The following CAPN9 variants were observed in gnomAD, a reference collection of about 807,000 sequenced individuals.
CAPN9 encodes the protein calpain-9.
CAPN9 carries 81 observed loss-of-function variants against 92.8 expected under a neutral mutation model. The ratio of observed to expected loss-of-function variants is 0.87; its 90% CI spans 0.73 to 1.05. CAPN9 has a LOEUF of 1.05. Ranked by LOEUF, CAPN9 falls within the 50% of genes least tolerant of loss-of-function variation. The pLI is 0.00. For missense variants in CAPN9, 848 were observed against 866.2 expected, an observed-to-expected ratio of 0.98 and a Z score of 0.26; for synonymous variants, 304 against 328.0, an observed-to-expected ratio of 0.93 and a Z score of 0.79.
chr1:230,771,895 G>A, intron 6 of CAPN9, 119 bp from the exon 7 acceptor site: 1 of 791,114 alleles, frequency 1.3e-6, no homozygotes, highest in South Asian at 1.6e-5. Flanking sequence ...TTTTAGGCAA[G>A]AGACTTTCAA....
chr1:230,766,880 A>G (rs949057059), intron 4 of CAPN9, among the ~76,000 whole-genome samples: 2 of 152,126 alleles, frequency 1.3e-5, no homozygotes, highest in African/African-American at 4.8e-5. Context: ...TTTTAAAACC[A>G]TCAGATCTGA....
chr1:230,750,102 G>A (rs1464374944), intron 1 of CAPN9, among the ~76,000 whole-genome samples: 13 of 152,156 alleles, frequency 8.5e-5, no homozygotes, highest in Admixed American at 8.5e-4. Context: ...CCAAGGGGCT[G>A]TCTTCCTTAG....
chr1:230,759,937 A>G lies in CAPN9; in HGVS notation c.402+307A>G, dbSNP rs564724874. Among the ~76,000 whole-genome samples, 10 of 152,380 alleles carry G rather than the reference A, an allele frequency of 6.6e-5. No homozygotes were observed. The South Asian group carries it at 2.1e-3, about 32-fold the overall frequency. Reference sequence around the variant, plus strand: ...TTGGAATTTCTTGTGCTTTAAGCACAAATTGACTAAACCAATTATACCTCC... The same window carrying G: ...TTGGAATTTCTTGTGCTTTAAGCACGAATTGACTAAACCAATTATACCTCC... On this transcript the variant is annotated intron_variant, in intron 3 of 19. Transcript: ENST00000271971.
chr1:230,759,159 T>G (rs1205026382), intron 2 of CAPN9, among the ~76,000 whole-genome samples: 2 of 152,236 alleles, frequency 1.3e-5, no homozygotes, highest in Non-Finnish European at 2.9e-5. Context: ...ATGAAATGTC[T>G]GCTCGCCCAG....
intron 14 of CAPN9, 82 bp from the exon 15 acceptor site, chr1:230,791,782 C>T: frequency 9.5e-7 from 1 of 1,049,198 alleles, no homozygotes; most frequent in Non-Finnish European, 1.5e-6. Flanking sequence ...TGGATTTAGC[C>T]ACATTATTGG....
At chr1:230,800,217 AAATAAGAAAGAAAGAAGAAAG>A (rs1418334315) in intron 19 of CAPN9, among the ~76,000 whole-genome samples, 7 of 89,028 alleles carry the variant, frequency 7.9e-5, no homozygotes, top group South Asian at 3.6e-4. Flanking sequence ...AAAGAAAGAA[AAATAAGAAAGAAAGAAGAAAG>A]AAAGAAAGAA....
chr1:230,796,692 A>C (rs1483399668), intron 18 of CAPN9, among the ~76,000 whole-genome samples: 1 of 152,168 alleles, frequency 6.6e-6, no homozygotes, highest in Non-Finnish European at 1.5e-5. Flanking sequence ...CCTGAAACAG[A>C]ATCCGTTATT....
At chr1:230,762,908 A>G (rs1665737955) in intron 4 of CAPN9, 122 bp downstream of exon 4, 2 of 1,054,538 alleles carry the variant, frequency 1.9e-6, no homozygotes, top group East Asian at 5.5e-5. Context: ...GAGGCTCGGC[A>G]GGACCCAACC....
chr1:230,762,551 T>A, intron 3 of CAPN9, 102 bp from the exon 4 acceptor site: 1 of 1,383,458 alleles, frequency 7.2e-7, no homozygotes, highest in Non-Finnish European at 9.9e-7. Context: ...ATGGGTAGCT[T>A]GGTCAGAGGG....
intron 5 of CAPN9, 124 bp from the exon 6 acceptor site, chr1:230,769,056 C>A: frequency 1.3e-6 from 1 of 749,300 alleles, no homozygotes; most frequent in Non-Finnish European, 2.3e-6. Flanking sequence ...ACGCACATGG[C>A]CTGCACCTGG....
Position 230,793,517 on chromosome 1 carries a change from G to A in CAPN9, c.1870+589G>A, listed in dbSNP as rs185646508. 3.0e-4 allele frequency among the ~76,000 whole-genome samples: 45 copies of A among 152,248 alleles called. No individual in the cohort carries two copies. In the East Asian group the frequency reaches 7.0e-3, roughly 24 times the overall value. ...TCTTGTCCGGTGCTGGATGGCTGTC[G>A]GCATCTCTGTGGTCCCATGTCCTGC... On this transcript the variant is annotated intron_variant, in intron 17 of 19. Coordinates refer to ENST00000271971, the MANE Select transcript of CAPN9 (RefSeq NM_006615.3).
intron 1 of CAPN9, among the ~76,000 whole-genome samples, chr1:230,750,276 A>G (rs1000154843): frequency 6.6e-6 from 1 of 152,024 alleles, no homozygotes; most frequent in Non-Finnish European, 1.5e-5. Flanking sequence ...GTCTCCACCT[A>G]CGGCAGACCC....
At chr1:230,751,525 AAGAG>A (rs143697129) in intron 1 of CAPN9, among the ~76,000 whole-genome samples, 2,222 of 140,550 alleles carry the variant, frequency 0.016, 90 homozygotes, top group African/African-American at 0.053. Flanking sequence ...GAAGGAGAGA[AAGAG>A]AAAGAAAGAT....
At chr1:230,782,295 G>C (rs1216639584) in intron 11 of CAPN9, among the ~76,000 whole-genome samples, 1 of 152,152 alleles carries the variant, frequency 6.6e-6, no homozygotes, top group East Asian at 1.9e-4. Flanking sequence ...TGTTTGCATT[G>C]GTTTAGCTCT....
At chr1:230,770,951 T>G (rs1260667395) in intron 6 of CAPN9, among the ~76,000 whole-genome samples, 1 of 152,206 alleles carries the variant, frequency 6.6e-6, no homozygotes, top group African/African-American at 2.4e-5. Flanking sequence ...TGGGATTCTT[T>G]AGAATGTTAG....
Position 230,773,424 on chromosome 1 carries a change from C to A in CAPN9, c.876-1130C>A, listed in dbSNP as rs959445862. ...GTGCAGTGCCCCTCAACTTTGAGATCGTAGCCTATAAAGGGAAAATGGGCC... is the reference window on the plus strand; with the variant it reads ...GTGCAGTGCCCCTCAACTTTGAGATAGTAGCCTATAAAGGGAAAATGGGCC... On this transcript the variant is annotated intron_variant, in intron 7 of 19. Transcript: ENST00000271971. Among the ~76,000 whole-genome samples the A allele has an allele frequency of 8.5e-5, 13 of 152,242 alleles. 1 individual carries two copies. The South Asian group carries it at 2.5e-3, about 29-fold the overall frequency.
intron 18 of CAPN9, 77 bp downstream of exon 18, chr1:230,795,356 C>T: frequency 1.2e-6 from 1 of 853,862 alleles, no homozygotes; most frequent in East Asian, 2.5e-5. Context: ...TGAGAAACAG[C>T]CTGGTTAAAG....
At chr1:230,752,768 G>T in intron 1 of CAPN9, 5 of 923,102 alleles carry the variant, frequency 5.4e-6, no homozygotes, top group Non-Finnish European at 6.5e-6. Context: ...CTATCCCCTG[G>T]CAGGGGCTGG....
chr1:230,799,994 C>T lies in CAPN9; in HGVS notation c.2047-1576C>T, dbSNP rs184978013. On this transcript the variant is annotated intron_variant, in intron 19 of 19. Coordinates refer to ENST00000271971, the MANE Select transcript of CAPN9 (RefSeq NM_006615.3). ...GAGATCGAGACCATCCTGGCTAACA[C>T]GGTGAAACCCCATCTCTACTAAAAA... Among the ~76,000 whole-genome samples the T allele has an allele frequency of 1.5e-3, 228 of 151,774 alleles. 1 individual carries two copies. The highest frequency in any genetic ancestry group is 5.3e-3 in the African/African-American group (221 of 41,336).
Sources: gnomAD v4.1 joint callset for allele counts (sites outside exome capture counted in the v4.1 genomes callset) on GRCh38, gnomAD v4.1.1 for gene constraint, MANE v1.5 for transcripts, NCBI Gene and HGNC (gene_info 2026-07-23, HGNC 2026-07-21) for gene names.